Variants in CACNA1B observed in about 807,000 individuals in gnomAD.
CACNA1B encodes the protein voltage-dependent N-type calcium channel subunit alpha-1B.
Under a neutral mutation model 247.2 loss-of-function variants are expected in CACNA1B, and 70 were observed. The observed-to-expected ratio is 0.28, with a 90% CI of 0.23 to 0.35. The LOEUF (loss-of-function observed/expected upper bound fraction) is 0.35, where lower values mean the gene tolerates loss of function less well. Among genes scored for constraint, CACNA1B ranks in the 10% least tolerant of loss-of-function variants. CACNA1B has a pLI of 1.00. For synonymous variants in CACNA1B, 1,231 were observed against 1,294.4 expected, an observed-to-expected ratio of 0.95 and a Z score of 1.05; for missense variants, 2,367 against 3,197.4, an observed-to-expected ratio of 0.74 and a Z score of 6.26.
chr9:137,882,075 G>A lies in CACNA1B; in HGVS notation c.391-669G>A, dbSNP rs1027539595. ...GGCGGTCGTCGCTCAGCACACTCAGGGCTGAGGTTGTGCTTCTCATTTCTG... is the reference window on the plus strand; with the variant it reads ...GGCGGTCGTCGCTCAGCACACTCAGAGCTGAGGTTGTGCTTCTCATTTCTG... On this transcript the variant is annotated intron_variant, in intron 2 of 46. Coordinates refer to ENST00000371372, the MANE Select transcript of CACNA1B (RefSeq NM_000718.4). The surrounding 1 kb of genome is among the most constrained non-coding windows in gnomAD (Gnocchi z 4.0). Among the ~76,000 whole-genome samples, 24 of 152,184 alleles carry A rather than the reference G, an allele frequency of 1.6e-4. No homozygotes were observed. Among genetic ancestry groups the A allele is most frequent in the African/African-American group, 5.8e-4 (24 of 41,442 alleles).
At chr9:138,017,608 G>A (rs1239113449) in intron 18 of CACNA1B, among the ~76,000 whole-genome samples, 1 of 152,212 alleles carries the variant, frequency 6.6e-6, no homozygotes, top group African/African-American at 2.4e-5. Context: ...CACTGGGGAC[G>A]TTTATGGGTC....
At chr9:138,090,701 C>CCAAAAAA (rs1960846497) in intron 36 of CACNA1B, among the ~76,000 whole-genome samples, 1 of 16,584 alleles carries the variant, frequency 6.0e-5, no homozygotes, top group Non-Finnish European at 8.9e-5. Flanking sequence ...AACCCATCAG[C>CCAAAAAA]AAAAAAAAAA....
At chr9:137,930,236 A>G (rs773708972) in intron 6 of CACNA1B, among the ~76,000 whole-genome samples, 1 of 152,172 alleles carries the variant, frequency 6.6e-6, no homozygotes, top group African/African-American at 2.4e-5. Context: ...ATGTAGGTCT[A>G]TATGTTTTCC....
Position 137,972,781 on chromosome 9 carries a change from G to A in CACNA1B, c.1543+1189G>A, listed in dbSNP as rs536938914. On this transcript the variant is annotated intron_variant, in intron 11 of 46. Coordinates refer to ENST00000371372, the MANE Select transcript of CACNA1B (RefSeq NM_000718.4). ...ATTGAAATCTACGACTTCCGAACGGGGAGATGGTGCGGAGGGGCAGAAGCA... is the reference window on the plus strand; with the variant it reads ...ATTGAAATCTACGACTTCCGAACGGAGAGATGGTGCGGAGGGGCAGAAGCA... Among the ~76,000 whole-genome samples, 6 of 152,298 alleles carry A rather than the reference G, an allele frequency of 3.9e-5. No individual in the cohort carries two copies. The South Asian group carries it at 1.2e-3, about 32-fold the overall frequency.
At chr9:138,000,192 G>A (rs546994913) in intron 15 of CACNA1B, among the ~76,000 whole-genome samples, 25 of 151,428 alleles carry the variant, frequency 1.7e-4, no homozygotes, top group Admixed American at 5.3e-4. Context: ...TCCGCCTCCC[G>A]GGTTCACGCC....
chr9:138,095,259 A>G (rs1961018047), intron 36 of CACNA1B, among the ~76,000 whole-genome samples: 1 of 152,224 alleles, frequency 6.6e-6, no homozygotes, highest in Non-Finnish European at 1.5e-5. Flanking sequence ...CACCTCAACA[A>G]CAAAAAACCA....
At chr9:138,112,321 C>T in intron 39 of CACNA1B, 77 bp from the exon 40 acceptor site, 1 of 997,384 alleles carries the variant, frequency 1.0e-6, no homozygotes, top group Non-Finnish European at 1.6e-6. Flanking sequence ...CCTGCACCAG[C>T]TCTGCCCCAT....
At chr9:138,108,898 C>T (rs781133532) in intron 39 of CACNA1B, among the ~76,000 whole-genome samples, 2 of 152,224 alleles carry the variant, frequency 1.3e-5, no homozygotes, top group Non-Finnish European at 2.9e-5. Flanking sequence ...ATCCGCCCGT[C>T]TCAGCCTCCT....
Position 138,012,442 on chromosome 9 carries a change from C to T in CACNA1B, c.2161-687C>T, listed in dbSNP as rs1014387700. On this transcript the variant is annotated intron_variant, in intron 17 of 46. Coordinates refer to ENST00000371372, the MANE Select transcript of CACNA1B (RefSeq NM_000718.4). The surrounding 1 kb of genome is among the most constrained non-coding windows in gnomAD (Gnocchi z 4.2). ...ATTTCAGTGGGCAAGTTTGAGGTGCCATGGTACAGACAAGCTGAAGGCCAG... is the reference window on the plus strand; with the variant it reads ...ATTTCAGTGGGCAAGTTTGAGGTGCTATGGTACAGACAAGCTGAAGGCCAG... Among the ~76,000 whole-genome samples, 1 of 152,078 alleles carries T rather than the reference C, an allele frequency of 6.6e-6. No individual in the cohort carries two copies. Among genetic ancestry groups the T allele is most frequent in the African/African-American group, 2.4e-5 (1 of 41,412 alleles).
intron 3 of CACNA1B, among the ~76,000 whole-genome samples, chr9:137,912,908 G>A (rs1239701323): frequency 1.3e-5 from 2 of 152,162 alleles, no homozygotes; most frequent in Non-Finnish European, 2.9e-5. Flanking sequence ...CCTTTGAACT[G>A]GAGGTTTGGT....
Position 138,122,087 on chromosome 9 carries a change from C to T in CACNA1B, c.*88C>T, listed in dbSNP as rs200515901. ...TCATCCACACGGGGCAGCCGGCCCT[C>T]GGGGGAGGCCTTGCCCACCTTGGTG... On this transcript the variant is annotated 3_prime_UTR_variant, in exon 47 of 47. Transcript: ENST00000371372. The T allele has an allele frequency of 3.2e-5, 40 of 1,256,158 alleles. No homozygotes were observed. The highest frequency in any genetic ancestry group is 2.8e-4 in the South Asian group (19 of 66,982). The allele number at this position is 1,256,158 out of a possible 1,614,324, so 77.8% of individuals were successfully genotyped here.
chr9:137,920,669 A>G (rs1957467242), intron 6 of CACNA1B, among the ~76,000 whole-genome samples: 1 of 152,194 alleles, frequency 6.6e-6, no homozygotes, highest in Non-Finnish European at 1.5e-5. Flanking sequence ...GAGGTAAATC[A>G]TGTTGCTTTA....
intron 15 of CACNA1B, among the ~76,000 whole-genome samples, chr9:138,003,806 G>GTTTT (rs1958612318): frequency 1.0e-5 from 1 of 99,222 alleles, no homozygotes; most frequent in African/African-American, 4.3e-5. Context: ...TTTTTTTGTA[G>GTTTT]AAATGGGGTC....
chr9:138,013,364 C>CA, intron 18 of CACNA1B, 129 bp downstream of exon 18: 1 of 630,426 alleles, frequency 1.6e-6, no homozygotes, highest in Non-Finnish European at 2.7e-6. Context: ...GGTGAGGACA[C>CA]AGCCCCTCCT....
At chr9:138,101,266 C>T (rs1055307160) in intron 37 of CACNA1B, 1 of 484,754 alleles carries the variant, frequency 2.1e-6, no homozygotes, top group Non-Finnish European at 4.3e-6. Flanking sequence ...CACACACTCC[C>T]TGCCTGGTTT....
At chr9:137,900,442 G>C (rs1223234270) in intron 3 of CACNA1B, among the ~76,000 whole-genome samples, 8 of 152,014 alleles carry the variant, frequency 5.3e-5, no homozygotes. Context: ...TCTGCGCCGT[G>C]TGTCTCTGTG....
chr9:138,035,342 C>T (rs978909155), intron 20 of CACNA1B, among the ~76,000 whole-genome samples: 3 of 152,090 alleles, frequency 2.0e-5, no homozygotes, highest in Non-Finnish European at 4.4e-5. Context: ...GCCTGTAATC[C>T]TAGCAACTTG....
intron 21 of CACNA1B, among the ~76,000 whole-genome samples, chr9:138,045,739 A>G (rs1959177596): frequency 6.6e-6 from 1 of 152,188 alleles, no homozygotes; most frequent in African/African-American, 2.4e-5. Context: ...TTAGAAGGAA[A>G]GGCAGGGGAA....
chr9:137,977,586 G>A (rs953685500), intron 12 of CACNA1B, among the ~76,000 whole-genome samples: 19 of 152,122 alleles, frequency 1.2e-4, no homozygotes, highest in South Asian at 6.2e-4. Flanking sequence ...CTCAGACCCC[G>A]CAGGGAGCAC....
Sources: allele counts gnomAD v4.1 joint callset (sites outside exome capture counted in the v4.1 genomes callset), GRCh38; gene constraint gnomAD v4.1.1; non-coding constraint Gnocchi (gnomAD v3.1); transcripts MANE v1.5; gene names NCBI Gene and HGNC (gene_info 2026-07-23, HGNC 2026-07-21).